Variants in TAOK1 observed in about 807,000 individuals in gnomAD.
The protein encoded by TAOK1 is serine/threonine-protein kinase TAO1.
In TAOK1, 21 loss-of-function variants were observed where a neutral mutation model predicts 138.3. The ratio of observed to expected loss-of-function variants is 0.15; its 90% CI spans 0.11 to 0.22. The LOEUF (loss-of-function observed/expected upper bound fraction) is 0.22, where lower values mean the gene tolerates loss of function less well. Ranked by LOEUF, TAOK1 falls within the 10% of genes least tolerant of loss-of-function variation. The pLI is 1.00. For synonymous variants in TAOK1, 361 were observed against 398.4 expected (o/e 0.91, Z 1.12); for missense variants, 651 against 1,227.7 (o/e 0.53, Z 7.02).
intron 1 of TAOK1, among the ~76,000 whole-genome samples, chr17:29,437,881 C>T (rs547799201): frequency 4.6e-5 from 7 of 151,896 alleles, no homozygotes; most frequent in Admixed American, 1.3e-4. Flanking sequence ...TACAGGTGCC[C>T]ACCACTATGC....
intron 17 of TAOK1, among the ~76,000 whole-genome samples, chr17:29,528,783 T>C (rs1453960332): frequency 7.7e-6 from 1 of 129,120 alleles, no homozygotes; most frequent in Non-Finnish European, 1.5e-5. Context: ...GAGGCTGCAG[T>C]GAGCTGAGAT....
At chr17:29,413,257 A>G (rs1905187657) in intron 1 of TAOK1, among the ~76,000 whole-genome samples, 2 of 152,188 alleles carry the variant, frequency 1.3e-5, no homozygotes, top group Non-Finnish European at 1.5e-5. Context: ...TCCATCCCAA[A>G]TAGCTAAACT....
chr17:29,517,409 C>G (rs372913983), intron 15 of TAOK1, 44 bp from the exon 16 acceptor site: 5 of 1,594,194 alleles, frequency 3.1e-6, no homozygotes, highest in Non-Finnish European at 3.4e-6. Context: ...CGTGAGCCAC[C>G]GTGCCAGGCC....
chr17:29,520,680 G>A (rs2031897960), intron 16 of TAOK1, among the ~76,000 whole-genome samples: 1 of 151,488 alleles, frequency 6.6e-6, no homozygotes, highest in African/African-American at 2.4e-5. Flanking sequence ...CTCCCAGAGT[G>A]CTGGGATTAC....
chr17:29,406,195 G>A lies in TAOK1; in HGVS notation c.-95+15171G>A, dbSNP rs376939321. On this transcript the variant is annotated intron_variant, in intron 1 of 19. Coordinates refer to ENST00000261716, the MANE Select transcript of TAOK1 (RefSeq NM_020791.4). ...CTTTTACCCATTAGATGCCAGTAGC[G>A]TCACCCCTGGTTGTGATGATCAAAA... Among the ~76,000 whole-genome samples the A allele has an allele frequency of 9.2e-5, 14 of 152,172 alleles. No homozygotes were observed. In the South Asian group the frequency reaches 1.5e-3, roughly 16 times the overall value.
At chr17:29,413,368 C>G (rs1347052762) in intron 1 of TAOK1, among the ~76,000 whole-genome samples, 1 of 151,960 alleles carries the variant, frequency 6.6e-6, no homozygotes, top group African/African-American at 2.4e-5. Context: ...AGGCTGAGAC[C>G]GGTGGATTGT....
chr17:29,457,402 C>CTTTT lies in TAOK1; in HGVS notation c.132+5740_132+5743dup, dbSNP rs769026325. On this transcript the variant is annotated intron_variant, in intron 2 of 19. Coordinates refer to ENST00000261716, the MANE Select transcript of TAOK1 (RefSeq NM_020791.4). ...ACAGGCGTGAGCCACCACCCCAGGC[C>CTTTT]TTTTTTTTTTTTTTTTTTTTTGAGA... is the stretch of plus-strand genomic sequence containing the variant. Among the ~76,000 whole-genome samples the CTTTT allele has an allele frequency of 7.3e-4, 56 of 76,588 alleles. 1 individual carries two copies. The highest frequency in any genetic ancestry group is 3.9e-3 in the East Asian group (8 of 2,064). The allele number at this position is 76,588 out of a possible 152,430, so 50.2% of individuals were successfully genotyped here. A position where few individuals can be genotyped will look rare whatever the true frequency, so the allele number is the denominator to read the frequency against.
In TAOK1 at chr17:29,397,680, T is replaced by TACATTCATGTATG. The variant is rs1904684212; in HGVS notation, c.-95+6657_-95+6658insCATTCATGTATGA. Among the ~76,000 whole-genome samples, 8 of 143,792 alleles carry TACATTCATGTATG rather than the reference T, an allele frequency of 5.6e-5. 1 individual carries two copies. In the South Asian group the frequency reaches 1.8e-3, roughly 32 times the overall value. The allele number at this position is 143,792 out of a possible 152,430, so 94.3% of individuals were successfully genotyped here. Reference sequence around the variant, plus strand: ...TTCATGTATGATACATGTATACATGTATACATGTATATTCATGTATGCATA... The same window carrying TACATTCATGTATG: ...TTCATGTATGATACATGTATACATGTACATTCATGTATGATACATGTATATTCATGTATGCATA... On this transcript the variant is annotated intron_variant, in intron 1 of 19. Transcript: ENST00000261716.
intron 7 of TAOK1, 142 bp from the exon 8 acceptor site, chr17:29,482,055 G>C: frequency 1.7e-6 from 1 of 581,556 alleles, no homozygotes; most frequent in Non-Finnish European, 3.0e-6. Flanking sequence ...AATGCACTTA[G>C]TTCCCGTTAT....
At position 29,542,506 on chromosome 17, in the gene TAOK1, T is replaced by G. The variant is rs183489786; in HGVS notation, c.2545-55T>G. The G allele has an allele frequency of 1.1e-4, 163 of 1,468,602 alleles. No individual in the cohort carries two copies. In the Admixed American group the frequency reaches 1.2e-3, roughly 11 times the overall value. 91.0% of individuals were successfully genotyped at this position (1,468,602 alleles called of 1,614,324 possible). ...AGCTGAATAATTATTGCTTCCTTTC[T>G]TTATAGACTTAAAAATAATAAATTG... On this transcript the variant is annotated intron_variant, in intron 19 of 19. Transcript: ENST00000261716.
intron 1 of TAOK1, among the ~76,000 whole-genome samples, chr17:29,418,108 A>T (rs1299860156): frequency 2.0e-5 from 3 of 152,102 alleles, no homozygotes; most frequent in Non-Finnish European, 4.4e-5. Context: ...GGCTGGTCTG[A>T]ACTCCTGAGC....
intron 19 of TAOK1, among the ~76,000 whole-genome samples, chr17:29,540,347 T>A (rs2032294763): frequency 7.5e-6 from 1 of 133,428 alleles, no homozygotes; most frequent in Admixed American, 7.3e-5. Flanking sequence ...TACTTTTTTC[T>A]GTTTTTGTTT....
chr17:29,423,594 C>G (rs539708987), intron 1 of TAOK1, among the ~76,000 whole-genome samples: 3 of 152,178 alleles, frequency 2.0e-5, no homozygotes, highest in South Asian at 4.1e-4. Flanking sequence ...TCCAATTTCA[C>G]TTTTATATTT....
intron 13 of TAOK1, among the ~76,000 whole-genome samples, chr17:29,503,829 G>A (rs941593416): frequency 1.3e-5 from 2 of 152,100 alleles, no homozygotes; most frequent in African/African-American, 4.8e-5. Context: ...ACAAAATTCA[G>A]GTGGGGTGCG....
chr17:29,464,729 G>T lies in TAOK1; in HGVS notation c.133-2416G>T, dbSNP rs902229629. ...TTCACCCTTTACAGTGAATGGTACA[G>T]GTTTCCACTAACCAATCCACTGGCA... On this transcript the variant is annotated intron_variant, in intron 2 of 19. Coordinates refer to ENST00000261716, the MANE Select transcript of TAOK1 (RefSeq NM_020791.4). 1.3e-5 allele frequency among the ~76,000 whole-genome samples: 2 copies of T among 151,938 alleles called. 1 individual carries two copies. Among genetic ancestry groups the T allele is most frequent in the Admixed American group, 1.3e-4 (2 of 15,252 alleles).
At chr17:29,433,424 CAA>C (rs35805615) in intron 1 of TAOK1, among the ~76,000 whole-genome samples, 29 of 91,410 alleles carry the variant, frequency 3.2e-4, no homozygotes, top group Non-Finnish European at 2.9e-4. Context: ...GACTCTGTCT[CAA>C]AAAAAAAAAA....
chr17:29,473,594 CAAAAA>C (rs1421657758), intron 3 of TAOK1, among the ~76,000 whole-genome samples: 1 of 94,148 alleles, frequency 1.1e-5, no homozygotes. Flanking sequence ...GTGAAACTCT[CAAAAA>C]AAAAAAAAAA....
intron 1 of TAOK1, among the ~76,000 whole-genome samples, chr17:29,421,980 C>A (rs1163432899): frequency 1.3e-5 from 2 of 152,054 alleles, no homozygotes; most frequent in Non-Finnish European, 2.9e-5. Flanking sequence ...TCACTGCAAG[C>A]TCCATCTCCC....
At chr17:29,472,801 C>A (rs998090443) in intron 3 of TAOK1, among the ~76,000 whole-genome samples, 2 of 151,516 alleles carry the variant, frequency 1.3e-5, no homozygotes, top group Admixed American at 1.3e-4. Flanking sequence ...GTCCTGAACT[C>A]CCGACCTCAG....
Sources: allele counts gnomAD v4.1 joint callset (sites outside exome capture counted in the v4.1 genomes callset), GRCh38; gene constraint gnomAD v4.1.1; transcripts MANE v1.5; gene names NCBI Gene and HGNC (gene_info 2026-07-23, HGNC 2026-07-21).